Variants in PKN2 observed in about 807,000 individuals in gnomAD.
The protein encoded by PKN2 is serine/threonine-protein kinase N2.
Under a neutral mutation model 119.1 loss-of-function variants are expected in PKN2, and 38 were observed. The observed-to-expected ratio is 0.32, with a 90% confidence interval of 0.25 to 0.42. The LOEUF is 0.42. Ranked by LOEUF, PKN2 falls within the 10% of genes least tolerant of loss-of-function variation. The pLI is 1.00. For missense variants in PKN2, 850 were observed against 1,165.1 expected (o/e 0.73, Z 3.94); for synonymous variants, 390 against 384.9 (o/e 1.01, Z -0.15).
At chr1:88,739,847 A>G (rs1012538579) in intron 1 of PKN2, among the ~76,000 whole-genome samples, 4 of 152,144 alleles carry the variant, frequency 2.6e-5, no homozygotes, top group African/African-American at 9.7e-5. Context: ...AGCTTCCATC[A>G]ATAGAACACA....
chr1:88,703,421 T>C (rs930810419), intron 1 of PKN2, among the ~76,000 whole-genome samples: 10 of 152,246 alleles, frequency 6.6e-5, no homozygotes, highest in East Asian at 3.9e-4. Flanking sequence ...TTAAGAGATA[T>C]TGGCTTATTT....
intron 11 of PKN2, 57 bp from the exon 12 acceptor site, chr1:88,805,834 T>C: frequency 6.2e-7 from 1 of 1,608,684 alleles, no homozygotes; most frequent in Non-Finnish European, 8.5e-7. Context: ...ATTTTAAAGC[T>C]GTTTAAAATA....
chr1:88,762,301 T>C (rs1570592088), intron 3 of PKN2, among the ~76,000 whole-genome samples: 1 of 152,352 alleles, frequency 6.6e-6, no homozygotes, highest in East Asian at 1.9e-4. Context: ...TATGTCAATT[T>C]TGCATAGCTT....
At position 88,786,088 on chromosome 1, in the gene PKN2, T is replaced by G. The variant is rs776858834; in HGVS notation, c.1172-16T>G. 4 of 1,518,896 alleles carry G rather than the reference T, an allele frequency of 2.6e-6. No individual in the cohort carries two copies. The highest frequency in any genetic ancestry group is 2.7e-6 in the Non-Finnish European group (3 of 1,096,748). The allele number at this position is 1,518,896 out of a possible 1,614,324, so 94.1% of individuals were successfully genotyped here. A position where few individuals can be genotyped will look rare whatever the true frequency, so the allele number is the denominator to read the frequency against. ...GGTTTAAAGTTTTTAAGCAAGTTTG[T>G]AAATTTTAATTACAGATGATGTCTG... On this transcript the variant is annotated splice_polypyrimidine_tract_variant and intron_variant, in intron 7 of 21. Transcript: ENST00000370521.
intron 6 of PKN2, among the ~76,000 whole-genome samples, chr1:88,773,826 G>T (rs868790712): frequency 1.3e-5 from 2 of 152,052 alleles, no homozygotes; most frequent in Admixed American, 6.6e-5. Context: ...TTACAGACAG[G>T]ATGTAATAAT....
intron 8 of PKN2, among the ~76,000 whole-genome samples, chr1:88,790,894 A>G (rs545039326): frequency 6.6e-6 from 1 of 151,932 alleles, no homozygotes; most frequent in African/African-American, 2.4e-5. Context: ...TTTACATTTG[A>G]TGTCATATTT....
At chr1:88,782,044 A>G (rs899136097) in intron 6 of PKN2, among the ~76,000 whole-genome samples, 1 of 152,112 alleles carries the variant, frequency 6.6e-6, no homozygotes, top group Non-Finnish European at 1.5e-5. Context: ...TTTTTAGTAA[A>G]TGTATATGCC....
chr1:88,719,007 C>G (rs923522487), intron 1 of PKN2, among the ~76,000 whole-genome samples: 1 of 152,190 alleles, frequency 6.6e-6, no homozygotes. Flanking sequence ...ACCTACTATG[C>G]TAAATGTGAT....
chr1:88,761,364 T>A (rs72724736), intron 3 of PKN2, among the ~76,000 whole-genome samples: 16,962 of 152,016 alleles, frequency 0.11, 1,967 homozygotes, highest in African/African-American at 0.3. Flanking sequence ...AGATATTTTT[T>A]AAATAATTTC....
chr1:88,723,522 A>G (rs976929611), intron 1 of PKN2, among the ~76,000 whole-genome samples: 33 of 151,642 alleles, frequency 2.2e-4, no homozygotes, highest in African/African-American at 7.8e-4. Flanking sequence ...CCCAGGTTCA[A>G]GCAATTCTTG....
intron 15 of PKN2, among the ~76,000 whole-genome samples, chr1:88,809,083 A>AT (rs1253762588): frequency 1.3e-5 from 2 of 152,060 alleles, no homozygotes; most frequent in African/African-American, 4.8e-5. Flanking sequence ...AAAGGTTGAG[A>AT]TTTATTTTTT....
chr1:88,726,870 T>C (rs1667919072), intron 1 of PKN2, among the ~76,000 whole-genome samples: 1 of 152,176 alleles, frequency 6.6e-6, no homozygotes, highest in African/African-American at 2.4e-5. Flanking sequence ...CTGTGGTCTA[T>C]CATGGTGAGC....
chr1:88,723,886 C>T (rs991658912), intron 1 of PKN2, among the ~76,000 whole-genome samples: 1 of 152,122 alleles, frequency 6.6e-6, no homozygotes, highest in African/African-American at 2.4e-5. Flanking sequence ...TAATATTTTG[C>T]CTTCTCATCT....
intron 1 of PKN2, among the ~76,000 whole-genome samples, chr1:88,723,666 A>G (rs1257062528): frequency 6.6e-6 from 1 of 152,198 alleles, no homozygotes; most frequent in Non-Finnish European, 1.5e-5. Context: ...CAAGTAATCC[A>G]GCTGCCTTGG....
In PKN2 at chr1:88,807,394, C is replaced by T. The variant is rs368473517; in HGVS notation, c.1885C>T (p.Pro629Ser). 3.1e-6 allele frequency: 5 copies of T among 1,606,100 alleles called. No homozygotes were observed. The highest frequency in any genetic ancestry group is 4.3e-6 in the Non-Finnish European group (5 of 1,173,982). ...KSQSEYKPDT[P>S]QSGLEYSGIQ... ...TCAATCTGAATACAAGCCTGATACT[C>T]CTCAGTCAGGCCTAGAATATAGTGG... The change falls in exon 13 of 22, where the codon CCT becomes TCT. Residue 629 changes from proline to serine, a missense_variant. Physicochemically the swap from Pro to Ser is moderately conservative, Grantham distance 74. Transcript: ENST00000370521.
chr1:88,774,347 G>A (rs1670005184), intron 6 of PKN2, among the ~76,000 whole-genome samples: 1 of 152,154 alleles, frequency 6.6e-6, no homozygotes, highest in Non-Finnish European at 1.5e-5. Flanking sequence ...CCTAGGTCAG[G>A]AGGTCAGACT....
chr1:88,721,725 T>C (rs1667689175), intron 1 of PKN2, among the ~76,000 whole-genome samples: 2 of 152,234 alleles, frequency 1.3e-5, no homozygotes, highest in African/African-American at 4.8e-5. Context: ...AAAAAGTCTT[T>C]TTTGCATAGT....
At chr1:88,814,989 G>T (rs1444995539) in intron 16 of PKN2, among the ~76,000 whole-genome samples, 1 of 152,176 alleles carries the variant, frequency 6.6e-6, no homozygotes, top group East Asian at 1.9e-4. Context: ...AGTTTCAGAT[G>T]AGGGACATAG....
chr1:88,734,725 G>A (rs1022796589), intron 1 of PKN2, among the ~76,000 whole-genome samples: 12 of 152,056 alleles, frequency 7.9e-5, no homozygotes, highest in Admixed American at 6.5e-4. Flanking sequence ...CTAGTAATGT[G>A]TTTTGATGGT....
Sources: gnomAD v4.1 joint callset for allele counts (sites outside exome capture counted in the v4.1 genomes callset) on GRCh38, gnomAD v4.1.1 for gene constraint, MANE v1.5 for transcripts, NCBI Gene and HGNC (gene_info 2026-07-23, HGNC 2026-07-21) for gene names.